The following THADA variants were observed in gnomAD, a reference collection of about 807,000 sequenced individuals.
THADA encodes THADA armadillo repeat containing.
Under a neutral mutation model 219.8 loss-of-function variants are expected in THADA, and 213 were observed. The observed-to-expected ratio is 0.97, with a 90% CI of 0.87 to 1.09. THADA has a LOEUF of 1.09. THADA is among the 50% of genes least tolerant of loss of function. The pLI, the probability that THADA is intolerant of heterozygous loss-of-function variation, is 0.00. For synonymous variants in THADA, 1,018 were observed against 828.9 expected, an observed-to-expected ratio of 1.23 and a Z score of -3.92; for missense variants, 2,956 against 2,311.3, an observed-to-expected ratio of 1.28 and a Z score of -5.72.
At chr2:43,288,208 C>T (rs1411342416) in intron 34 of THADA, among the ~76,000 whole-genome samples, 1 of 152,234 alleles carries the variant, frequency 6.6e-6, no homozygotes, top group African/African-American at 2.4e-5. Context: ...CACCTGAGGT[C>T]AGGCGTTCAG....
intron 29 of THADA, among the ~76,000 whole-genome samples, chr2:43,377,015 C>T (rs1307222179): frequency 1.3e-5 from 2 of 152,140 alleles, no homozygotes; most frequent in African/African-American, 4.8e-5. Context: ...GGCTCACAGG[C>T]CACCCACAGG....
chr2:43,386,399 T>C (rs1196728044), intron 29 of THADA, among the ~76,000 whole-genome samples: 2 of 152,104 alleles, frequency 1.3e-5, no homozygotes, highest in Non-Finnish European at 2.9e-5. Context: ...TTTTCCTTTT[T>C]TTCCCCAAAT....
At chr2:43,394,857 T>C (rs897662173) in intron 29 of THADA, among the ~76,000 whole-genome samples, 1 of 152,180 alleles carries the variant, frequency 6.6e-6, no homozygotes. Context: ...ACAACCACAT[T>C]TGCTGGCTTT....
chr2:43,397,964 T>C lies in THADA; in HGVS notation c.4227+7A>G, dbSNP rs1456570871. 1 of 1,613,760 alleles carries C rather than the reference T, an allele frequency of 6.2e-7. No individual in the cohort carries two copies. The highest frequency in any genetic ancestry group is 2.2e-5 in the East Asian group (1 of 44,892). On this transcript the variant is annotated splice_region_variant and intron_variant, in intron 29 of 37. Coordinates refer to ENST00000405975, the MANE Select transcript of THADA (RefSeq NM_022065.5). ...TGACAGAAGTCACACAAAGCAACTT[T>C]ACTTACCTGGAGAAGTGTCCCATGA...
chr2:43,493,760 T>A (rs1280180667), intron 25 of THADA, among the ~76,000 whole-genome samples: 2 of 152,200 alleles, frequency 1.3e-5, no homozygotes. Context: ...ACTGGTTGGT[T>A]TAATCTCTGA....
At chr2:43,404,452 CAG>C (rs1028431539) in intron 28 of THADA, among the ~76,000 whole-genome samples, 1 of 151,450 alleles carries the variant, frequency 6.6e-6, no homozygotes, top group Non-Finnish European at 1.5e-5. Context: ...TCTGGCATCC[CAG>C]AGTGCTGGGA....
intron 29 of THADA, among the ~76,000 whole-genome samples, chr2:43,371,372 A>G (rs954958317): frequency 1.3e-5 from 2 of 152,228 alleles, no homozygotes; most frequent in African/African-American, 4.8e-5. Context: ...CTAATGACAT[A>G]TTATAACATT....
In THADA at chr2:43,566,473, T is replaced by C. The variant is rs1442264171; in HGVS notation, c.2311+225A>G. On this transcript the variant is annotated intron_variant, in intron 15 of 37. Transcript: ENST00000405975. ...CCATAATAAGCATAATCCATGAAAATTATACTTTGGGGTTGGCAAATAATG... is the reference window on the plus strand; with the variant it reads ...CCATAATAAGCATAATCCATGAAAACTATACTTTGGGGTTGGCAAATAATG... 1.5e-5 allele frequency: 11 copies of C among 720,200 alleles called. 1 individual carries two copies. The highest frequency in any genetic ancestry group is 4.6e-4 in the Middle Eastern group (2 of 4,368). 44.6% of individuals were successfully genotyped at this position (720,200 alleles called of 1,614,324 possible).
At chr2:43,437,366 C>T (rs1445001621) in intron 26 of THADA, among the ~76,000 whole-genome samples, 2 of 152,146 alleles carry the variant, frequency 1.3e-5, no homozygotes, top group Admixed American at 6.5e-5. Flanking sequence ...CAAAAGACAG[C>T]CTTTTGAGTT....
chr2:43,576,159 CTG>C (rs1699834412), intron 10 of THADA, among the ~76,000 whole-genome samples: 1 of 151,990 alleles, frequency 6.6e-6, no homozygotes, highest in East Asian at 1.9e-4. Flanking sequence ...TTGTACAACT[CTG>C]TGAATAAACT....
At chr2:43,246,436 A>C (rs571679478) in intron 36 of THADA, among the ~76,000 whole-genome samples, 1 of 152,262 alleles carries the variant, frequency 6.6e-6, no homozygotes, top group South Asian at 2.1e-4. Flanking sequence ...TGGAGGTTGC[A>C]GAGAGCTTAG....
intron 36 of THADA, among the ~76,000 whole-genome samples, chr2:43,256,938 C>T (rs1670377996): frequency 2.0e-5 from 3 of 152,124 alleles, no homozygotes; most frequent in Admixed American, 2.0e-4. Context: ...TATACAGAAA[C>T]TGAAGCCAAG....
At chr2:43,330,322 T>C (rs1414133737) in intron 30 of THADA, among the ~76,000 whole-genome samples, 1 of 152,182 alleles carries the variant, frequency 6.6e-6, no homozygotes. Context: ...GCCAGTCTAA[T>C]TGCTGAGGAA....
At position 43,528,860 on chromosome 2, in the gene THADA, A is replaced by C. The variant is rs141084036; in HGVS notation, c.3265-872T>G. ...CATTGTAACCCTTTTTAAATGTACAATTAAGTGGCATAAGTACATTCATAC... is the reference window on the plus strand; with the variant it reads ...CATTGTAACCCTTTTTAAATGTACACTTAAGTGGCATAAGTACATTCATAC... On this transcript the variant is annotated intron_variant, in intron 21 of 37. Coordinates refer to ENST00000405975, the MANE Select transcript of THADA (RefSeq NM_022065.5). 2.7e-3 allele frequency among the ~76,000 whole-genome samples: 412 copies of C among 152,320 alleles called. 2 individuals are homozygous for C. Among genetic ancestry groups the C allele is most frequent in the Non-Finnish European group, 4.1e-3 (280 of 68,028 alleles).
intron 31 of THADA, among the ~76,000 whole-genome samples, chr2:43,300,110 T>A (rs1470027759): frequency 6.6e-6 from 1 of 150,668 alleles, no homozygotes; most frequent in Admixed American, 6.6e-5. Context: ...AAATATTACA[T>A]ACCCATGATT....
Position 43,574,799 on chromosome 2 carries a change from G to A in THADA, c.1266C>T (p.His422=), listed in dbSNP as rs777760369. Residue 422 remains histidine (H), a synonymous_variant, in exon 11 of 38, where the codon CAC becomes CAT. Coordinates refer to ENST00000405975, the MANE Select transcript of THADA (RefSeq NM_022065.5). ...KIMFKNLLQM[H]RLTVEGADFV... is the part of the protein sequence containing the mutation. ...AATCTGCACCTTCCACAGTGAGCCG[G>A]TGCATTTGGAGAAGGTTTTTGAACA... The A allele has an allele frequency of 6.2e-7, 1 of 1,613,992 alleles. No individual in the cohort carries two copies. The highest frequency in any genetic ancestry group is 1.3e-5 in the African/African-American group (1 of 75,042).
intron 36 of THADA, among the ~76,000 whole-genome samples, chr2:43,246,052 C>G (rs1486360657): frequency 6.6e-6 from 1 of 151,992 alleles, no homozygotes; most frequent in East Asian, 1.9e-4. Context: ...GCCTCCCAGC[C>G]TTATCTAGAA....
intron 37 of THADA, 84 bp from the exon 38 acceptor site, chr2:43,231,427 T>C: frequency 4.3e-6 from 6 of 1,379,758 alleles, no homozygotes; most frequent in Non-Finnish European, 5.7e-6. Context: ...CCCTGCCAGA[T>C]GCAAGAGGGG....
chr2:43,277,835 A>C (rs1672898049), intron 36 of THADA, among the ~76,000 whole-genome samples: 1 of 152,254 alleles, frequency 6.6e-6, no homozygotes, highest in South Asian at 2.1e-4. Flanking sequence ...AACTTGGAAC[A>C]CCAAAGAGGA....
Sources: gnomAD v4.1 joint callset for allele counts (sites outside exome capture counted in the v4.1 genomes callset) on GRCh38, gnomAD v4.1.1 for gene constraint, MANE v1.5 for transcripts, NCBI Gene and HGNC (gene_info 2026-07-23, HGNC 2026-07-21) for gene names.